Variants in RNLS observed in about 807,000 individuals in gnomAD.
RNLS encodes renalase, FAD dependent amine oxidase, also known as renalase.
A neutral mutation model predicts 39.8 loss-of-function variants in RNLS; 39 were observed. The ratio of observed to expected loss-of-function variants is 0.98; its 90% confidence interval spans 0.76 to 1.28. The LOEUF (loss-of-function observed/expected upper bound fraction) is 1.28, where lower values mean the gene tolerates loss of function less well. RNLS is among the 50% of genes most tolerant of loss of function. RNLS has a pLI of 0.00. For synonymous variants in RNLS, 147 were observed against 150.7 expected (o/e 0.98, Z 0.18); for missense variants, 410 against 413.3 (o/e 0.99, Z 0.07).
the RNLS span, among the ~76,000 whole-genome samples, chr10:88,230,047 A>T: frequency 1.3e-5 from 2 of 152,148 alleles, no homozygotes; most frequent in Non-Finnish European, 2.9e-5. Context: ...AAATGGAGCC[A>T]CCTGCATGAC....
chr10:88,340,848 T>C (rs997553670), intron 5 of RNLS, among the ~76,000 whole-genome samples: 1 of 149,402 alleles, frequency 6.7e-6, no homozygotes, highest in Non-Finnish European at 1.5e-5. Flanking sequence ...GATCACGAGG[T>C]CAGGAGTTCG....
chr10:88,469,820 T>C lies in RNLS; in HGVS notation c.526+103083A>G, dbSNP rs965645006. Among the ~76,000 whole-genome samples the C allele has an allele frequency of 2.2e-3, 261 of 119,362 alleles. 1 individual carries two copies. Among genetic ancestry groups the C allele is most frequent in the African/African-American group, 6.8e-3 (247 of 36,486 alleles). 78.3% of individuals were successfully genotyped at this position (119,362 alleles called of 152,430 possible). ...CTATGGGTCAATATTTTTATGTGTGTGCGTGTGTGTGTGTGTGTGTGTGTG... is the reference window on the plus strand; with the variant it reads ...CTATGGGTCAATATTTTTATGTGTGCGCGTGTGTGTGTGTGTGTGTGTGTG... On this transcript the variant is annotated intron_variant, in intron 4 of 6. Transcript: ENST00000331772.
chr10:88,274,673 A>C (rs1441957518), exon 7 of RNLS: 1 of 331,122 alleles, frequency 3.0e-6, no homozygotes, highest in African/African-American at 2.1e-5. Flanking sequence ...ATGTTCGTTC[A>C]AGTCCCTACT....
intron 4 of RNLS, among the ~76,000 whole-genome samples, chr10:88,416,229 T>C (rs2133730722): frequency 6.7e-6 from 1 of 149,028 alleles, no homozygotes; most frequent in South Asian, 2.1e-4. Context: ...ATTATATATA[T>C]ATATATAATT....
the RNLS span, among the ~76,000 whole-genome samples, chr10:88,207,996 C>T: frequency 2.0e-5 from 3 of 152,194 alleles, no homozygotes; most frequent in Non-Finnish European, 4.4e-5. Flanking sequence ...CGTCTCTTCT[C>T]AGGCCGACAC....
intron 4 of RNLS, among the ~76,000 whole-genome samples, chr10:88,569,920 T>C (rs868524331): frequency 6.6e-5 from 10 of 152,196 alleles, no homozygotes; most frequent in African/African-American, 2.4e-4. Context: ...CAAGTCTGAA[T>C]AGATTCCTTT....
intron 4 of RNLS, among the ~76,000 whole-genome samples, chr10:88,376,010 C>T (rs1347854953): frequency 6.6e-6 from 1 of 152,054 alleles, no homozygotes; most frequent in East Asian, 1.9e-4. Flanking sequence ...TAAGGTCTCT[C>T]ACGTAATACA....
intron 4 of RNLS, among the ~76,000 whole-genome samples, chr10:88,488,616 T>A (rs2134053967): frequency 7.4e-6 from 1 of 135,236 alleles, no homozygotes; most frequent in African/African-American, 2.8e-5. Context: ...TAAAGAACAA[T>A]ATATAAATTA....
chr10:88,220,281 T>C, the RNLS span, among the ~76,000 whole-genome samples: 1 of 151,964 alleles, frequency 6.6e-6, no homozygotes, highest in African/African-American at 2.4e-5. Flanking sequence ...TTGCTTGGAG[T>C]CAGCTCGAAG....
At chr10:88,450,774 T>C (rs1242085687) in intron 4 of RNLS, among the ~76,000 whole-genome samples, 4 of 152,210 alleles carry the variant, frequency 2.6e-5, no homozygotes. Flanking sequence ...TTAACACTAT[T>C]AGCAGAAATG....
chr10:88,486,639 G>T (rs1220753317), intron 4 of RNLS, among the ~76,000 whole-genome samples: 1 of 152,072 alleles, frequency 6.6e-6, no homozygotes. Flanking sequence ...CTAGAGAACT[G>T]CAAATCAAAA....
intron 4 of RNLS, among the ~76,000 whole-genome samples, chr10:88,369,652 C>T (rs986608522): frequency 2.0e-5 from 3 of 152,044 alleles, no homozygotes; most frequent in Non-Finnish European, 2.9e-5. Flanking sequence ...CTGCCTTAAC[C>T]GTGCCCACTG....
the RNLS span, among the ~76,000 whole-genome samples, chr10:88,215,992 C>G: frequency 6.6e-6 from 1 of 152,028 alleles, no homozygotes; most frequent in African/African-American, 2.4e-5. Context: ...GCCACCGTGC[C>G]CGGCCTCATC....
the RNLS span, among the ~76,000 whole-genome samples, chr10:88,262,068 G>A: frequency 1.3e-5 from 2 of 152,202 alleles, no homozygotes; most frequent in Non-Finnish European, 2.9e-5. Flanking sequence ...AGGCAGGAGA[G>A]GGTATAGTGA....
rs752006010 is a variant in RNLS, at chr10:88,362,522, G to T, written c.700+30C>A. The T allele has an allele frequency of 1.9e-6, 3 of 1,597,554 alleles. No homozygotes were observed. The Admixed American group carries it at 5.1e-5, about 27-fold the overall frequency. On this transcript the variant is annotated intron_variant, in intron 5 of 6. Transcript: ENST00000331772. ...ATGATCTACACCCACCATTGTTGCT[G>T]TATTTAAGGGAAATAATAGGGGTAC...
chr10:88,268,620 G>C, the RNLS span, among the ~76,000 whole-genome samples: 1 of 152,202 alleles, frequency 6.6e-6, no homozygotes, highest in African/African-American at 2.4e-5. Context: ...TGAATTCAGA[G>C]CTCAAATGAT....
At chr10:88,515,941 C>T (rs1846382590) in intron 4 of RNLS, among the ~76,000 whole-genome samples, 3 of 151,792 alleles carry the variant, frequency 2.0e-5, no homozygotes, top group South Asian at 2.1e-4. Flanking sequence ...TAGGGTGGGC[C>T]CTAATCCAAT....
At chr10:88,446,266 C>T (rs538441432) in intron 4 of RNLS, among the ~76,000 whole-genome samples, 36 of 152,176 alleles carry the variant, frequency 2.4e-4, no homozygotes, top group South Asian at 1.2e-3. Flanking sequence ...TTGAAACCAA[C>T]GAGAACAAAG....
intron 6 of RNLS, chr10:88,309,425 G>A (rs1253393179): frequency 1.6e-6 from 2 of 1,289,652 alleles, no homozygotes; most frequent in East Asian, 5.6e-5. Flanking sequence ...TAAACGTACG[G>A]GTGGTCTCAA....
Sources: allele counts gnomAD v4.1 joint callset (sites outside exome capture counted in the v4.1 genomes callset), GRCh38; gene constraint gnomAD v4.1.1; transcripts MANE v1.5; gene names NCBI Gene and HGNC (gene_info 2026-07-23, HGNC 2026-07-21).